Variants in PAX5 observed in about 807,000 individuals in gnomAD.
PAX5 encodes paired box 5.
PAX5 carries 9 observed loss-of-function variants against 43.7 expected under a neutral mutation model. That is an observed-to-expected ratio of 0.21 (90% confidence interval 0.12 to 0.36). The LOEUF is 0.36. Among genes scored for constraint, PAX5 ranks in the 10% least tolerant of loss-of-function variants. The probability of loss-of-function intolerance (pLI) is 1.00; values close to 1 mark genes in which losing one functional copy is unlikely to be tolerated. For synonymous variants in PAX5, 228 were observed against 214.3 expected (o/e 1.06, Z -0.56); for missense variants, 383 against 532.7 (o/e 0.72, Z 2.77).
chr9:36,871,884 C>T (rs965801970), intron 8 of PAX5, among the ~76,000 whole-genome samples: 3 of 152,238 alleles, frequency 2.0e-5, no homozygotes, highest in Admixed American at 2.0e-4. Context: ...GGCACTCTCC[C>T]AGCTGAGACT....
chr9:36,908,300 T>C (rs554413043), intron 7 of PAX5, among the ~76,000 whole-genome samples: 1 of 152,152 alleles, frequency 6.6e-6, no homozygotes, highest in South Asian at 2.1e-4. Context: ...GCTTAGATGT[T>C]GCTTCCCCAT....
At chr9:36,913,916 C>T (rs1455829718) in intron 7 of PAX5, among the ~76,000 whole-genome samples, 4 of 152,286 alleles carry the variant, frequency 2.6e-5, no homozygotes. Context: ...TGCACTATGT[C>T]AGCACATCCG....
intron 8 of PAX5, among the ~76,000 whole-genome samples, chr9:36,863,974 T>G (rs1355375292): frequency 6.6e-6 from 1 of 152,160 alleles, no homozygotes; most frequent in Non-Finnish European, 1.5e-5. Context: ...CTGGGCATGG[T>G]GGCATGTGCC....
rs190761931 is a variant in PAX5, at chr9:37,029,095, A to G, written c.46+4891T>C. On this transcript the variant is annotated intron_variant, in intron 1 of 9. Coordinates refer to ENST00000358127, the MANE Select transcript of PAX5 (RefSeq NM_016734.3). ...GGTCCGAAGACTCAATTTCTATTTC[A>G]TGAGTGATGATCCGCTAATATTAAA... 2.8e-3 allele frequency among the ~76,000 whole-genome samples: 426 copies of G among 152,298 alleles called. 4 individuals are homozygous for G. Among genetic ancestry groups the G allele is most frequent in the South Asian group, 0.026 (124 of 4,812 alleles).
chr9:36,844,708 C>A (rs573551648), intron 9 of PAX5, among the ~76,000 whole-genome samples: 1 of 152,260 alleles, frequency 6.6e-6, no homozygotes, highest in African/African-American at 2.4e-5. Flanking sequence ...ACAATTGGGG[C>A]TGTGAACTAG....
chr9:36,904,387 T>C (rs1012381209), intron 7 of PAX5, among the ~76,000 whole-genome samples: 1 of 152,118 alleles, frequency 6.6e-6, no homozygotes, highest in African/African-American at 2.4e-5. Context: ...CACAGAGGCA[T>C]ACGAAAGGAA....
chr9:36,950,654 T>C (rs2132106521), intron 6 of PAX5, among the ~76,000 whole-genome samples: 1 of 152,116 alleles, frequency 6.6e-6, no homozygotes, highest in Admixed American at 6.5e-5. Context: ...CCCTTGGAAC[T>C]ACGAAGAAGT....
rs1262878364 is a variant in PAX5, at chr9:37,034,014, AT to A, written c.17del (p.Asn6IlefsTer15). On this transcript the variant is annotated frameshift_variant, in exon 1 of 10. Transcript: ENST00000358127. LOFTEE classifies it high-confidence loss of function. ...TCCTGCTGGTCCGAGGAGTCGGATA[AT>A]TTTTCTCTAAATCCATTTTGATTTT... Reference protein sequence around the residue: MDLEKNYPTPRTSRTG... With the variant: MDLEKXYPTPRTSRTG... The A allele has an allele frequency of 6.2e-7, 1 of 1,604,092 alleles. No individual in the cohort carries two copies.
chr9:37,017,497 A>G (rs529304761), intron 2 of PAX5, among the ~76,000 whole-genome samples: 2 of 152,362 alleles, frequency 1.3e-5, no homozygotes, highest in African/African-American at 2.4e-5. Context: ...GCATTTTCAC[A>G]TGCATTTTTC....
intron 6 of PAX5, among the ~76,000 whole-genome samples, chr9:36,926,551 T>A (rs1830653513): frequency 6.6e-6 from 1 of 152,226 alleles, no homozygotes; most frequent in African/African-American, 2.4e-5. Flanking sequence ...CCTCCTAATT[T>A]TCTGAGAATG....
At chr9:36,979,584 C>A (rs1835737547) in intron 5 of PAX5, among the ~76,000 whole-genome samples, 1 of 152,096 alleles carries the variant, frequency 6.6e-6, no homozygotes, top group African/African-American at 2.4e-5. Context: ...AGGAGATGGG[C>A]AGGAGATTAC....
chr9:37,027,003 G>A, intron 1 of PAX5, among the ~76,000 whole-genome samples: 1 of 152,228 alleles, frequency 6.6e-6, no homozygotes. Context: ...TTCACTCAGG[G>A]GGCGGAGAGA....
intron 6 of PAX5, among the ~76,000 whole-genome samples, chr9:36,926,101 G>A (rs2131985083): frequency 6.6e-6 from 1 of 152,286 alleles, no homozygotes; most frequent in Middle Eastern, 3.4e-3. Flanking sequence ...TGAAGAAACT[G>A]AGGCTTTTAT....
chr9:36,911,479 C>G (rs1169187107), intron 7 of PAX5, among the ~76,000 whole-genome samples: 1 of 152,236 alleles, frequency 6.6e-6, no homozygotes, highest in African/African-American at 2.4e-5. Context: ...ACTCTGATAG[C>G]CAGCCCAGCA....
rs144096091 is a variant in PAX5 at position 36,863,659 on chromosome 9, T to C, written c.1013-16730A>G. Among the ~76,000 whole-genome samples, 839 of 152,314 alleles carry C rather than the reference T, an allele frequency of 5.5e-3. 10 individuals carry two copies. Among genetic ancestry groups the C allele is most frequent in the African/African-American group, 0.016 (671 of 41,552 alleles). On this transcript the variant is annotated intron_variant, in intron 8 of 9. Transcript: ENST00000358127. ...ACCAGTGAGCCTACTAGGCTCTATC[T>C]TGGTACTATCACTTGGGCAAGTTAC...
chr9:36,911,803 C>A (rs1255577004), intron 7 of PAX5, among the ~76,000 whole-genome samples: 1 of 152,224 alleles, frequency 6.6e-6, no homozygotes, highest in Non-Finnish European at 1.5e-5. Context: ...GGAGGCAGAA[C>A]ATATTTCCTG....
chr9:36,972,207 A>G (rs1834973051), intron 5 of PAX5, among the ~76,000 whole-genome samples: 1 of 152,188 alleles, frequency 6.6e-6, no homozygotes, highest in Admixed American at 6.5e-5. Context: ...TCTCTGCAGA[A>G]CCCAGGCCAA....
Position 36,834,417 on chromosome 9 carries a change from AGTGT to A in PAX5, c.*6139_*6142del, listed in dbSNP as rs56175234. 12,616 of 223,914 alleles carry A rather than the reference AGTGT, an allele frequency of 0.056. 268 individuals carry two copies. The highest frequency in any genetic ancestry group is 0.088 in the African/African-American group (3,848 of 43,486). 13.9% of individuals were successfully genotyped at this position (223,914 alleles called of 1,614,324 possible). A position where few individuals can be genotyped will look rare whatever the true frequency, so the allele number is the denominator to read the frequency against. ...TGTCTGAGGTGTAGGGGAGTGAGTG[AGTGT>A]GTGTGTGTGTGTGTGTGTGTGTGTG... is the stretch of plus-strand genomic sequence containing the variant. On this transcript the variant is annotated 3_prime_UTR_variant, in exon 10 of 10. Transcript: ENST00000358127.
chr9:36,958,299 G>GAA (rs3073719), intron 6 of PAX5, among the ~76,000 whole-genome samples: 110,393 of 151,074 alleles, frequency 0.73, 40,389 homozygotes, highest in East Asian at 0.79. Context: ...TAAATGTCAG[G>GAA]AAAAAAAAAT....
Sources: gnomAD v4.1 joint callset for allele counts (sites outside exome capture counted in the v4.1 genomes callset) on GRCh38, gnomAD v4.1.1 for gene constraint, MANE v1.5 for transcripts, NCBI Gene and HGNC (gene_info 2026-07-23, HGNC 2026-07-21) for gene names.